CRYBG1: variants seen among roughly 807,000 people sequenced by gnomAD.
The protein encoded by CRYBG1 is beta/gamma crystallin domain-containing protein 1.
A neutral mutation model predicts 189.2 loss-of-function variants in CRYBG1; 139 were observed. The ratio of observed to expected loss-of-function variants is 0.73; its 90% CI spans 0.64 to 0.85. The LOEUF (loss-of-function observed/expected upper bound fraction) is 0.85, where lower values mean the gene tolerates loss of function less well. CRYBG1 is among the 40% of genes least tolerant of loss of function. The pLI, the probability that CRYBG1 is intolerant of heterozygous loss-of-function variation, is 0.00. For missense variants in CRYBG1, 2,611 were observed against 2,675.8 expected, an observed-to-expected ratio of 0.98 and a Z score of 0.53; for synonymous variants, 1,023 against 1,017.1, an observed-to-expected ratio of 1.01 and a Z score of -0.11.
intron 1 of CRYBG1, among the ~76,000 whole-genome samples, chr6:106,399,617 G>C (rs1770682971): frequency 6.6e-6 from 1 of 151,318 alleles, no homozygotes; most frequent in African/African-American, 2.4e-5. Flanking sequence ...GATAACTTCA[G>C]TCTGGGTTTT....
rs571525018 is a variant in CRYBG1, at chr6:106,513,027, C to A, written c.1910C>A (p.Thr637Asn). The change falls in exon 3 of 22, where the codon ACT (threonine) becomes AAT (asparagine). Residue 637 changes from threonine to asparagine, a missense_variant. Transcript: ENST00000633556. The part of the protein sequence containing the change: ...HFGVGRSTVT[T>N]KVTLPAKPKH... ...GGCGTGGGCAGGTCGACAGTGACCA[C>A]TAAAGTGACCCTGTAAGTAGCCGCG... The A allele has an allele frequency of 6.2e-7, 1 of 1,602,804 alleles. No homozygotes were observed. The highest frequency in any genetic ancestry group is 1.3e-5 in the African/African-American group (1 of 75,018).
intron 1 of CRYBG1, among the ~76,000 whole-genome samples, chr6:106,426,320 A>G (rs1000100849): frequency 1.5e-4 from 23 of 152,144 alleles, no homozygotes; most frequent in African/African-American, 5.6e-4. Flanking sequence ...CATTCCTATC[A>G]ACATACAGAT....
In CRYBG1 at chr6:106,433,727, A is replaced by ATATATATATG. The variant is rs1353642438; in HGVS notation, c.174-17959_174-17958insTGTATATATA. Among the ~76,000 whole-genome samples the ATATATATATG allele has an allele frequency of 2.4e-4, 13 of 54,078 alleles. 1 individual carries two copies. The highest frequency in any genetic ancestry group is 1.4e-3 in the African/African-American group (12 of 8,650). 35.5% of individuals were successfully genotyped at this position (54,078 alleles called of 152,430 possible). A position where few individuals can be genotyped will look rare whatever the true frequency, so the allele number is the denominator to read the frequency against. ...TTGCTAGAAACTGGGAAATATATAT[A>ATATATATATG]TATATATACATATATATGTATATAT... is the stretch of plus-strand genomic sequence containing the variant. On this transcript the variant is annotated intron_variant, in intron 1 of 21. Coordinates refer to ENST00000633556, the MANE Select transcript of CRYBG1 (RefSeq NM_001371242.2).
chr6:106,400,031 G>C (rs1392670628), intron 1 of CRYBG1, among the ~76,000 whole-genome samples: 1 of 151,540 alleles, frequency 6.6e-6, no homozygotes, highest in African/African-American at 2.4e-5. Context: ...AGCTACTCGG[G>C]AGGCTGAGGT....
intron 2 of CRYBG1, among the ~76,000 whole-genome samples, chr6:106,480,691 C>T (rs1582786818): frequency 1.3e-5 from 2 of 149,004 alleles, no homozygotes; most frequent in South Asian, 2.1e-4. Flanking sequence ...AAATTTGGCA[C>T]CTCTGCATGG....
chr6:106,434,095 C>T (rs1423129937), intron 1 of CRYBG1, among the ~76,000 whole-genome samples: 1 of 151,606 alleles, frequency 6.6e-6, no homozygotes. Flanking sequence ...ATCAGAAGGC[C>T]TCAGTTCCTC....
Position 106,564,587 on chromosome 6 carries a change from G to A in CRYBG1, c.6301+661G>A, listed in dbSNP as rs1255463778. On this transcript the variant is annotated intron_variant, in intron 21 of 21. Coordinates refer to ENST00000633556, the MANE Select transcript of CRYBG1 (RefSeq NM_001371242.2). Reference sequence around the variant, plus strand: ...TAGACTGTGGGGCCACATCCTCAGAGACTGAGTCTGTAGGTCTGGGGTGGG... The same window carrying A: ...TAGACTGTGGGGCCACATCCTCAGAAACTGAGTCTGTAGGTCTGGGGTGGG... Among the ~76,000 whole-genome samples the A allele has an allele frequency of 1.7e-4, 25 of 142,896 alleles. No individual in the cohort carries two copies. In the Admixed American group the frequency reaches 1.8e-3, roughly 10 times the overall value. The allele number at this position is 142,896 out of a possible 152,430, so 93.7% of individuals were successfully genotyped here.
chr6:106,562,359 A>C (rs1330596905), intron 20 of CRYBG1, among the ~76,000 whole-genome samples: 1 of 152,240 alleles, frequency 6.6e-6, no homozygotes, highest in East Asian at 1.9e-4. Flanking sequence ...TTAATCCAAG[A>C]AAATGGTGTC....
chr6:106,525,632 T>C lies in CRYBG1; in HGVS notation c.4412+246T>C, dbSNP rs538870412. The stretch of plus-strand genomic sequence containing the variant: ...CAATACAGTAGAACAAGCTTCTTTT[T>C]CCCATGCTTCCCCATAATATTGTTT... On this transcript the variant is annotated intron_variant, in intron 6 of 21. Transcript: ENST00000633556. 1.2e-4 allele frequency among the ~76,000 whole-genome samples: 18 copies of C among 152,304 alleles called. 1 individual carries two copies. Among genetic ancestry groups the C allele is most frequent in the African/African-American group, 4.3e-4 (18 of 41,566 alleles).
intron 8 of CRYBG1, among the ~76,000 whole-genome samples, chr6:106,535,253 T>G (rs9486381): frequency 0.3 from 46,107 of 152,040 alleles, 7,324 homozygotes; most frequent in South Asian, 0.37. Context: ...TCTATGTATT[T>G]TTTTCATTGC....
intron 1 of CRYBG1, among the ~76,000 whole-genome samples, chr6:106,440,268 CT>C (rs1554235828): frequency 9.2e-5 from 6 of 65,074 alleles, no homozygotes; most frequent in South Asian, 5.3e-4. Flanking sequence ...CTCTCTCTCT[CT>C]TTTTTTTTCT....
At chr6:106,381,689 G>A (rs780824600) in intron 1 of CRYBG1, among the ~76,000 whole-genome samples, 19 of 152,092 alleles carry the variant, frequency 1.2e-4, no homozygotes, top group Non-Finnish European at 2.4e-4. Flanking sequence ...GAACTATGCC[G>A]TCTTTGGGGA....
At chr6:106,373,349 T>C (rs543023560) in intron 1 of CRYBG1, among the ~76,000 whole-genome samples, 153 of 152,286 alleles carry the variant, frequency 1.0e-3, no homozygotes, top group African/African-American at 3.5e-3. Context: ...ACTGGGGTGA[T>C]TCACTGAGTA....
intron 3 of CRYBG1, among the ~76,000 whole-genome samples, chr6:106,513,826 T>C (rs1323139957): frequency 6.6e-6 from 1 of 152,254 alleles, no homozygotes; most frequent in Non-Finnish European, 1.5e-5. Flanking sequence ...TTCTTCCTCC[T>C]TGTGCTGCAT....
At chr6:106,525,531 C>T in intron 6 of CRYBG1, 145 bp downstream of exon 6, 1 of 675,406 alleles carries the variant, frequency 1.5e-6, no homozygotes, top group Non-Finnish European at 2.6e-6. Flanking sequence ...ATAAGGGATT[C>T]ATATCTTAAC....
intron 1 of CRYBG1, among the ~76,000 whole-genome samples, chr6:106,404,619 C>G (rs914743236): frequency 6.6e-5 from 10 of 151,342 alleles, no homozygotes; most frequent in African/African-American, 1.5e-4. Context: ...CAGCTCCGGT[C>G]TGCAGCTCTC....
At chr6:106,503,253 TG>T (rs1328923682) in intron 2 of CRYBG1, among the ~76,000 whole-genome samples, 1 of 152,096 alleles carries the variant, frequency 6.6e-6, no homozygotes, top group Admixed American at 6.5e-5. Context: ...CCATCATAAC[TG>T]GGAGCCTGGG....
At chr6:106,494,521 G>A (rs1772799479) in intron 2 of CRYBG1, among the ~76,000 whole-genome samples, 1 of 152,136 alleles carries the variant, frequency 6.6e-6, no homozygotes, top group South Asian at 2.1e-4. Context: ...GAAAGAAAGA[G>A]GAGAACATTT....
At chr6:106,395,678 T>C (rs978243500) in intron 1 of CRYBG1, among the ~76,000 whole-genome samples, 7 of 152,170 alleles carry the variant, frequency 4.6e-5, no homozygotes, top group African/African-American at 1.7e-4. Flanking sequence ...TTTGGTTTGC[T>C]TCCTTAAGTG....
Sources: gnomAD v4.1 joint callset for allele counts (sites outside exome capture counted in the v4.1 genomes callset) on GRCh38, gnomAD v4.1.1 for gene constraint, MANE v1.5 for transcripts, NCBI Gene and HGNC (gene_info 2026-07-23, HGNC 2026-07-21) for gene names.